The following CDC42EP1 variants were observed in gnomAD, a reference collection of about 807,000 sequenced individuals.
The protein encoded by CDC42EP1 is CDC42 effector protein 1, also known as 55 kDa bone marrow stromal/endothelial cell protein.
In CDC42EP1, 6 loss-of-function variants were observed where a neutral mutation model predicts 7.4. The ratio of observed to expected loss-of-function variants is 0.81; its 90% CI spans 0.44 to 1.60. The LOEUF (loss-of-function observed/expected upper bound fraction) is 1.60. Ranked by LOEUF, CDC42EP1 falls within the 40% of genes most tolerant of loss-of-function variation. The probability of loss-of-function intolerance (pLI) is 0.01; values close to 1 mark genes in which losing one functional copy is unlikely to be tolerated. For missense variants in CDC42EP1, 567 were observed against 539.0 expected (o/e 1.05, Z -0.51); for synonymous variants, 238 against 227.1 (o/e 1.05, Z -0.43).
chr22:37,561,047 C>G (rs1028824878), intron 1 of CDC42EP1, among the ~76,000 whole-genome samples: 1 of 152,062 alleles, frequency 6.6e-6, no homozygotes, highest in Admixed American at 6.5e-5. Context: ...CCTCCCCGAC[C>G]GCCGCATTCC....
At chr22:37,567,705 G>A (rs1925295469) in intron 2 of CDC42EP1, among the ~76,000 whole-genome samples, 1 of 152,186 alleles carries the variant, frequency 6.6e-6, no homozygotes, top group African/African-American at 2.4e-5. Context: ...CACGTGCTAT[G>A]GGTTCACCTG....
chr22:37,561,379 G>C (rs751959589), intron 1 of CDC42EP1, among the ~76,000 whole-genome samples: 1 of 152,258 alleles, frequency 6.6e-6, no homozygotes. Context: ...GCCCGCAGCC[G>C]CTCCGTCTCG....
chr22:37,563,178 C>T, intron 1 of CDC42EP1, among the ~76,000 whole-genome samples: 1 of 152,070 alleles, frequency 6.6e-6, no homozygotes, highest in East Asian at 1.9e-4. Context: ...GCAGACCCTT[C>T]TACAGGACAT....
In CDC42EP1 at chr22:37,566,506, C is replaced by T. The variant is rs1318703014; in HGVS notation, c.157C>T (p.Arg53Cys). The change falls in exon 2 of 3, where the codon CGT becomes TGT. Residue 53 changes from arginine (R) to cysteine (C), a missense_variant. By Grantham distance (180) the Arg-to-Cys change is radical. Transcript: ENST00000249014. This position sits in a 1 kb window ranked among gnomAD's most constrained non-coding sequence, Gnocchi z 6.4. ...GDFRHTMHVG[R>C]GGDVFGDTSF... is the part of the protein sequence containing the mutation. ...CTTCCGCCACACCATGCATGTGGGC[C>T]GTGGCGGGGATGTCTTCGGGGACAC... 2 of 1,612,472 alleles carry T rather than the reference C, an allele frequency of 1.2e-6. No individual in the cohort carries two copies. Among genetic ancestry groups the T allele is most frequent in the South Asian group, 1.1e-5 (1 of 90,890 alleles).
chr22:37,566,949 G>A lies in CDC42EP1; in HGVS notation c.463+137G>A, dbSNP rs1925271208. Reference sequence around the variant, plus strand: ...GCCCAGACCCCACATCATGGATGGGGAGGGGGTGCAGTGGTGGGAACAAGC... The same window carrying A: ...GCCCAGACCCCACATCATGGATGGGAAGGGGGTGCAGTGGTGGGAACAAGC... On this transcript the variant is annotated intron_variant, in intron 2 of 2. Coordinates refer to ENST00000249014, the MANE Select transcript of CDC42EP1 (RefSeq NM_152243.3). The surrounding 1 kb of genome is among the most constrained non-coding windows in gnomAD (Gnocchi z 6.4). 1.7e-6 allele frequency: 1 copy of A among 575,988 alleles called. No homozygotes were observed. The highest frequency in any genetic ancestry group is 2.9e-6 in the Non-Finnish European group (1 of 347,092). 35.7% of individuals were successfully genotyped at this position (575,988 alleles called of 1,614,324 possible). A position where few individuals can be genotyped will look rare whatever the true frequency, so the allele number is the denominator to read the frequency against.
chr22:37,566,855 G>A lies in CDC42EP1; in HGVS notation c.463+43G>A. 6.9e-7 allele frequency: 1 copy of A among 1,457,756 alleles called. No individual in the cohort carries two copies. Among genetic ancestry groups the A allele is most frequent in the Non-Finnish European group, 9.3e-7 (1 of 1,080,350 alleles). 90.3% of individuals were successfully genotyped at this position (1,457,756 alleles called of 1,614,324 possible). On this transcript the variant is annotated intron_variant, in intron 2 of 2. Coordinates refer to ENST00000249014, the MANE Select transcript of CDC42EP1 (RefSeq NM_152243.3). The surrounding 1 kb of genome is among the most constrained non-coding windows in gnomAD (Gnocchi z 6.4). ...CTTGGCCCACTTTTCAGAGGCTGAG[G>A]CTGAGGCCCAGAGGGGTTCAGTGGC...
intron 1 of CDC42EP1, among the ~76,000 whole-genome samples, chr22:37,564,836 T>C (rs1281634272): frequency 6.6e-6 from 1 of 152,214 alleles, no homozygotes; most frequent in Non-Finnish European, 1.5e-5. Context: ...TGGAGTGCAG[T>C]GGCGCAATCT....
Position 37,568,367 on chromosome 22 carries a change from T to C in CDC42EP1, c.723T>C (p.Pro241=). The change falls in exon 3 of 3, where the codon CCT becomes CCC. Residue 241 remains proline (P), a synonymous_variant. Coordinates refer to ENST00000249014, the MANE Select transcript of CDC42EP1 (RefSeq NM_152243.3). The part of the protein sequence containing the change: ...PPAPTANPTG[P]AANPPATTAN... ...CCCCTACTGCAAACCCCACGGGTCC[T>C]GCTGCAAACCCCCCAGCCACTACTG... 6.7e-7 allele frequency: 1 copy of C among 1,482,726 alleles called. No individual in the cohort carries two copies. The highest frequency in any genetic ancestry group is 9.1e-7 in the Non-Finnish European group (1 of 1,100,784). 91.8% of individuals were successfully genotyped at this position (1,482,726 alleles called of 1,614,324 possible).
In CDC42EP1 at chr22:37,568,803, G is replaced by T. The variant is rs769350727; in HGVS notation, c.1159G>T (p.Asp387Tyr). ...TFEFADAEEDDEVKV is the reference protein window; with the variant it reads ...TFEFADAEEDYEVKV ...TGAATTTGCGGATGCTGAGGAGGAT[G>T]ATGAGGTCAAGGTGTGAGGGGCTGG... The change falls in exon 3 of 3, where the codon GAT becomes TAT. Residue 387 changes from aspartate (D) to tyrosine (Y), a missense_variant. Coordinates refer to ENST00000249014, the MANE Select transcript of CDC42EP1 (RefSeq NM_152243.3). 199 of 1,495,036 alleles carry T rather than the reference G, an allele frequency of 1.3e-4. No homozygotes were observed. The highest frequency in any genetic ancestry group is 1.5e-4 in the Non-Finnish European group (171 of 1,121,662). The allele number at this position is 1,495,036 out of a possible 1,614,324, so 92.6% of individuals were successfully genotyped here. A position where few individuals can be genotyped will look rare whatever the true frequency, so the allele number is the denominator to read the frequency against.
Position 37,568,163 on chromosome 22 carries a change from TGACCGA to T in CDC42EP1, c.525_530del (p.Arg177_Asp178del). ...GCCTGCCCCGCTCGGAAAAGCCGCA[TGACCGA>T]GACCGGGATGGTTCCTTCCCCTCTG... On this transcript the variant is annotated inframe_deletion, in exon 3 of 3. Coordinates refer to ENST00000249014, the MANE Select transcript of CDC42EP1 (RefSeq NM_152243.3). 1 of 1,614,042 alleles carries T rather than the reference TGACCGA, an allele frequency of 6.2e-7. No homozygotes were observed. Among genetic ancestry groups the T allele is most frequent in the Non-Finnish European group, 8.5e-7 (1 of 1,179,986 alleles).
Position 37,568,358 on chromosome 22 carries a change from C to T in CDC42EP1, c.714C>T (p.Pro238=), listed in dbSNP as rs757748503. 1.3e-6 allele frequency: 2 copies of T among 1,567,712 alleles called. No homozygotes were observed. The highest frequency in any genetic ancestry group is 2.3e-5 in the South Asian group (2 of 87,358). Residue 238 remains proline, a synonymous_variant, in exon 3 of 3, where the codon CCC becomes CCT. Coordinates refer to ENST00000249014, the MANE Select transcript of CDC42EP1 (RefSeq NM_152243.3). ...ACCCCCCAGCCCCTACTGCAAACCC[C>T]ACGGGTCCTGCTGCAAACCCCCCAG... ...AANPPAPTAN[P]TGPAANPPAT...
At position 37,568,423 on chromosome 22, in the gene CDC42EP1, C is replaced by T. The variant is rs1410201653; in HGVS notation, c.779C>T (p.Ser260Leu). Residue 260 changes from serine (S) to leucine (L), a missense_variant, in exon 3 of 3, where the codon TCA (serine) becomes TTA (leucine). By Grantham distance (145) the Ser-to-Leu change is moderately radical. Transcript: ENST00000249014. ...ANPPAPAANP[S>L]APAATPTGPA... ...CCCCCAGCGCCTGCTGCAAACCCCT[C>T]AGCACCTGCCGCAACCCCCACGGGT... 3 of 1,372,714 alleles carry T rather than the reference C, an allele frequency of 2.2e-6. No homozygotes were observed. In the African/African-American group the frequency reaches 5.1e-5, roughly 23 times the overall value. 85.0% of individuals were successfully genotyped at this position (1,372,714 alleles called of 1,614,324 possible).
At chr22:37,565,886 T>C (rs1295646521) in intron 1 of CDC42EP1, among the ~76,000 whole-genome samples, 186 bp from the exon 2 acceptor site, 1 of 152,146 alleles carries the variant, frequency 6.6e-6, no homozygotes, top group South Asian at 2.1e-4. Flanking sequence ...GGCTGTGTTC[T>C]TGAACTTTCT....
At chr22:37,565,036 C>A (rs1329538988) in intron 1 of CDC42EP1, among the ~76,000 whole-genome samples, 1 of 152,156 alleles carries the variant, frequency 6.6e-6, no homozygotes, top group Non-Finnish European at 1.5e-5. Flanking sequence ...CCTTGGCCTC[C>A]CAAAGTGCTG....
intron 1 of CDC42EP1, chr22:37,565,691 T>C (rs1925208623): frequency 6.7e-6 from 1 of 149,376 alleles, no homozygotes; most frequent in Admixed American, 6.7e-5. Context: ...GTGATTCTCC[T>C]GCCACAGCTT....
Position 37,566,773 on chromosome 22 carries a change from A to C in CDC42EP1, c.424A>C (p.Ser142Arg), listed in dbSNP as rs1480164089. Residue 142 changes from serine to arginine, a missense_variant, in exon 2 of 3, where the codon AGC becomes CGC. By Grantham distance (110) the Ser-to-Arg change is moderately radical (BLOSUM62 -1). Coordinates refer to ENST00000249014, the MANE Select transcript of CDC42EP1 (RefSeq NM_152243.3). This position sits in a 1 kb window ranked among gnomAD's most constrained non-coding sequence, Gnocchi z 6.4. ...SLVVGKLSFD[S>R]SPTSSTDGHS... is the part of the protein sequence containing the mutation. ...CGTGGTTGGCAAGCTCAGCTTCGAC[A>C]GCAGCCCCACCAGCTCCACGGACGG... 5 of 1,585,344 alleles carry C rather than the reference A, an allele frequency of 3.2e-6. No homozygotes were observed. Among genetic ancestry groups the C allele is most frequent in the Non-Finnish European group, 4.3e-6 (5 of 1,166,198 alleles).
chr22:37,566,425 A>G lies in CDC42EP1; in HGVS notation c.76A>G (p.Ser26Gly). ...GCTCTCGCCTGTGGGCTGGGTGTCC[A>G]GTTCACAGGGAAAGAGGCGGCTGAC... ...GKLSPVGWVSSSQGKRRLTAD... is the reference protein window; with the variant it reads ...GKLSPVGWVSGSQGKRRLTAD... The change falls in exon 2 of 3, where the codon AGT (serine) becomes GGT (glycine). Residue 26 changes from serine (S) to glycine (G), a missense_variant. Physicochemically the swap from Ser to Gly is moderately conservative, Grantham distance 56. Coordinates refer to ENST00000249014, the MANE Select transcript of CDC42EP1 (RefSeq NM_152243.3). This position sits in a 1 kb window ranked among gnomAD's most constrained non-coding sequence, Gnocchi z 6.4. The G allele has an allele frequency of 6.2e-7, 1 of 1,608,042 alleles. No individual in the cohort carries two copies. Among genetic ancestry groups the G allele is most frequent in the Non-Finnish European group, 8.5e-7 (1 of 1,177,184 alleles).
At chr22:37,561,909 G>C (rs1453930182) in intron 1 of CDC42EP1, among the ~76,000 whole-genome samples, 4 of 152,192 alleles carry the variant, frequency 2.6e-5, no homozygotes, top group Non-Finnish European at 5.9e-5. Context: ...ACCCCTGTTG[G>C]CCCGATCCCG....
chr22:37,562,245 G>A (rs1366011556), intron 1 of CDC42EP1, among the ~76,000 whole-genome samples: 35 of 152,236 alleles, frequency 2.3e-4, no homozygotes, highest in Admixed American at 2.3e-3. Context: ...TCTCCTTTCT[G>A]AGCTTCGTTT....
Sources: allele counts gnomAD v4.1 joint callset (sites outside exome capture counted in the v4.1 genomes callset), GRCh38; gene constraint gnomAD v4.1.1; non-coding constraint Gnocchi (gnomAD v3.1); transcripts MANE v1.5; gene names NCBI Gene and HGNC (gene_info 2026-07-23, HGNC 2026-07-21).